The following OTOG variants were observed in gnomAD, a reference collection of about 807,000 sequenced individuals.
The protein encoded by OTOG is otogelin.
OTOG carries 296 observed loss-of-function variants against 313.8 expected under a neutral mutation model. That is an observed-to-expected ratio of 0.94 (90% confidence interval 0.86 to 1.04). The LOEUF (loss-of-function observed/expected upper bound fraction) is 1.04, where lower values mean the gene tolerates loss of function less well. Among genes scored for constraint, OTOG ranks in the 50% least tolerant of loss-of-function variants. OTOG has a pLI of 0.00. For missense variants in OTOG, 3,948 were observed against 3,840.1 expected (o/e 1.03, Z -0.74); for synonymous variants, 1,533 against 1,554.9 (o/e 0.99, Z 0.33).
intron 23 of OTOG, among the ~76,000 whole-genome samples, chr11:17,581,161 TG>T (rs755507133): frequency 2.6e-4 from 40 of 152,034 alleles, no homozygotes; most frequent in Non-Finnish European, 4.9e-4. Flanking sequence ...CACCCTGAAG[TG>T]TTCATCCAAG....
chr11:17,624,918 A>C (rs1239162365), intron 39 of OTOG, among the ~76,000 whole-genome samples: 1 of 152,084 alleles, frequency 6.6e-6, no homozygotes, highest in Non-Finnish European at 1.5e-5. Flanking sequence ...TTTCGTGGCA[A>C]TTGTGAATAA....
At chr11:17,596,314 C>T (rs542120673) in intron 29 of OTOG, among the ~76,000 whole-genome samples, 160 bp downstream of exon 29, 2 of 152,290 alleles carry the variant, frequency 1.3e-5, no homozygotes, top group African/African-American at 2.4e-5. Context: ...CAGATGAGTC[C>T]GTCCTATTTC....
At chr11:17,552,368 C>T (rs2133996353) in intron 4 of OTOG, among the ~76,000 whole-genome samples, 1 of 152,314 alleles carries the variant, frequency 6.6e-6, no homozygotes, top group African/African-American at 2.4e-5. Flanking sequence ...TTGTTTCCCC[C>T]TCCATCCCAC....
chr11:17,588,850 G>T (rs77875564), intron 24 of OTOG, among the ~76,000 whole-genome samples: 1 of 151,818 alleles, frequency 6.6e-6, no homozygotes, highest in African/African-American at 2.4e-5. Flanking sequence ...ATCCCAATGC[G>T]TCTCACCTCA....
chr11:17,626,650 T>A (rs1357201873), intron 39 of OTOG, among the ~76,000 whole-genome samples: 1 of 152,248 alleles, frequency 6.6e-6, no homozygotes, highest in African/African-American at 2.4e-5. Context: ...TTTCTATTTC[T>A]GTGAAGAATG....
rs1355064571 is a variant in OTOG, at chr11:17,552,011, C to T, written c.228C>T (p.Ala76=). ...ATVVGGQQAE[A]PDSVAMSSWE... is the part of the protein sequence containing the mutation. ...CCTGTCTTCACAAGCAGGCTGAAGC[C>T]CCAGACTCCGTGGCCATGTCTTCCT... Residue 76 remains alanine, a synonymous_variant, in exon 4 of 56, where the codon GCC becomes GCT. Transcript: ENST00000399397. 1.3e-6 allele frequency: 2 copies of T among 1,550,464 alleles called. No homozygotes were observed. The highest frequency in any genetic ancestry group is 1.4e-5 in the African/African-American group (1 of 73,154).
chr11:17,580,099 A>T (rs1266215077), intron 23 of OTOG, among the ~76,000 whole-genome samples: 1 of 152,204 alleles, frequency 6.6e-6, no homozygotes, highest in Non-Finnish European at 1.5e-5. Flanking sequence ...ACCTCTGTGC[A>T]TGAGAGTTCC....
chr11:17,612,370 G>C, intron 37 of OTOG, 40 bp downstream of exon 37: 1 of 1,492,204 alleles, frequency 6.7e-7, no homozygotes, highest in Non-Finnish European at 8.9e-7. Flanking sequence ...CATCCTCCCT[G>C]TATCCTTACC....
intron 36 of OTOG, 126 bp downstream of exon 36, chr11:17,611,549 A>G: frequency 9.3e-7 from 1 of 1,074,354 alleles, no homozygotes; most frequent in Non-Finnish European, 1.3e-6. Flanking sequence ...TCCCTGAAAA[A>G]TTCTTCAGTC....
chr11:17,572,070 A>C lies in OTOG; in HGVS notation c.1956-10A>C. 1 of 1,550,348 alleles carries C rather than the reference A, an allele frequency of 6.5e-7. No homozygotes were observed. The highest frequency in any genetic ancestry group is 8.7e-7 in the Non-Finnish European group (1 of 1,146,850). ...GCAAGTGTGTGAATATGGCTGTGACATGGCTGCAGGTCTCCAGTGGGTGTA... is the reference window on the plus strand; with the variant it reads ...GCAAGTGTGTGAATATGGCTGTGACCTGGCTGCAGGTCTCCAGTGGGTGTA... On this transcript the variant is annotated splice_polypyrimidine_tract_variant and intron_variant, in intron 17 of 55. Coordinates refer to ENST00000399397, the MANE Select transcript of OTOG (RefSeq NM_001292063.2).
intron 54 of OTOG, among the ~76,000 whole-genome samples, chr11:17,645,264 A>T (rs1848049755): frequency 6.6e-6 from 1 of 152,154 alleles, no homozygotes; most frequent in Non-Finnish European, 1.5e-5. Flanking sequence ...TGGGGTGGGG[A>T]GGCAGCCTCA....
In OTOG at chr11:17,558,228, G is replaced by A. The variant is rs1565091034; in HGVS notation, c.909G>A (p.Gln303=). 1.9e-6 allele frequency: 3 copies of A among 1,550,450 alleles called. No homozygotes were observed. The South Asian group carries it at 3.6e-5, about 18-fold the overall frequency. The change falls in exon 9 of 56, where the codon CAG becomes CAA. Residue 303 remains glutamine, a synonymous_variant. Coordinates refer to ENST00000399397, the MANE Select transcript of OTOG (RefSeq NM_001292063.2). ...TGGTTGAGTTTGTGCACAGCTGGCA[G>A]GAGCAGGCCCCTAACCAGCCTCCAG... ...DDVVEFVHSW[Q]EQAPNQPPGP...
chr11:17,627,493 G>T (rs1012941765), intron 39 of OTOG, among the ~76,000 whole-genome samples: 1 of 152,022 alleles, frequency 6.6e-6, no homozygotes. Context: ...AATTCATCTT[G>T]CTAGTATTTT....
In OTOG at chr11:17,586,411, C is replaced by A. The variant is rs972017488; in HGVS notation, c.2760-63C>A. 8.7e-6 allele frequency: 9 copies of A among 1,036,588 alleles called. No individual in the cohort carries two copies. The Admixed American group carries it at 1.7e-4, about 19-fold the overall frequency. 64.2% of individuals were successfully genotyped at this position (1,036,588 alleles called of 1,614,324 possible). A position where few individuals can be genotyped will look rare whatever the true frequency, so the allele number is the denominator to read the frequency against. On this transcript the variant is annotated intron_variant, in intron 23 of 55. Coordinates refer to ENST00000399397, the MANE Select transcript of OTOG (RefSeq NM_001292063.2). Reference sequence around the variant, plus strand: ...CGAGCATCCAGATTGAGGCAGGGTCCTCCACAGATGGCAGCTATGGGAAGA... The same window carrying A: ...CGAGCATCCAGATTGAGGCAGGGTCATCCACAGATGGCAGCTATGGGAAGA...
intron 39 of OTOG, among the ~76,000 whole-genome samples, chr11:17,628,273 T>C (rs1854032951): frequency 1.3e-5 from 2 of 152,192 alleles, no homozygotes; most frequent in Admixed American, 6.5e-5. Context: ...CATTATCATT[T>C]GTTTCAAGAA....
chr11:17,639,440 A>G lies in OTOG; in HGVS notation c.7912A>G (p.Ile2638Val), dbSNP rs532787443. The change falls in exon 49 of 56, where the codon ATC (isoleucine) becomes GTC (valine). Residue 2638 changes from isoleucine (I) to valine (V), a missense_variant. By Grantham distance (29) the Ile-to-Val change is conservative (BLOSUM62 3). Coordinates refer to ENST00000399397, the MANE Select transcript of OTOG (RefSeq NM_001292063.2). Reference protein sequence around the residue: ...YKSCECDCDTIPVPRCHLWEK... With the variant: ...YKSCECDCDTVPVPRCHLWEK... ...TTTTTCAGAATGTGACTGTGACACAATCCCGGTGCCCCGGTGCCATCTGGT... is the reference window on the plus strand; with the variant it reads ...TTTTTCAGAATGTGACTGTGACACAGTCCCGGTGCCCCGGTGCCATCTGGT... The G allele has an allele frequency of 2.6e-6, 4 of 1,550,686 alleles. No individual in the cohort carries two copies. Among genetic ancestry groups the G allele is most frequent in the East Asian group, 4.9e-5 (2 of 40,908 alleles).
rs1242426966 is a variant in OTOG at position 17,611,360 on chromosome 11, C to T, written c.6060C>T (p.Ile2020=). The T allele has an allele frequency of 7.1e-6, 11 of 1,548,386 alleles. No individual in the cohort carries two copies. The highest frequency in any genetic ancestry group is 2.4e-5 in the South Asian group (2 of 83,916). ...PSGRSAPALS[I]VEGLAEALAT... Reference sequence around the variant, plus strand: ...GGCGCTCAGCCCCAGCCCTGAGCATCGTAGAGGGTTTGGCGGAGGCTTTGG... The same window carrying T: ...GGCGCTCAGCCCCAGCCCTGAGCATTGTAGAGGGTTTGGCGGAGGCTTTGG... Residue 2020 remains isoleucine (I), a synonymous_variant, in exon 36 of 56, where the codon ATC becomes ATT. Transcript: ENST00000399397.
At chr11:17,632,673 T>C (rs1021885450) in intron 42 of OTOG, among the ~76,000 whole-genome samples, 2 of 152,100 alleles carry the variant, frequency 1.3e-5, no homozygotes, top group African/African-American at 4.8e-5. Flanking sequence ...GTTTCTCTTC[T>C]TCCAGAGTTT....
chr11:17,634,956 G>A lies in OTOG; in HGVS notation c.7585+8G>A. On this transcript the variant is annotated splice_region_variant and intron_variant, in intron 45 of 55. Transcript: ENST00000399397. ...GCCCCAGCTACAGCTGTGGTGAGAG[G>A]CCCGGGGTGGGGAGGGTGGGGGACG... is the stretch of plus-strand genomic sequence containing the variant. 1 of 804,588 alleles carries A rather than the reference G, an allele frequency of 1.2e-6. No individual in the cohort carries two copies. The highest frequency in any genetic ancestry group is 2.0e-6 in the Non-Finnish European group (1 of 503,960). The allele number at this position is 804,588 out of a possible 1,614,324, so 49.8% of individuals were successfully genotyped here.
Sources: allele counts gnomAD v4.1 joint callset (sites outside exome capture counted in the v4.1 genomes callset), GRCh38; gene constraint gnomAD v4.1.1; transcripts MANE v1.5; gene names NCBI Gene and HGNC (gene_info 2026-07-23, HGNC 2026-07-21).